The following SWAP70 variants were observed in gnomAD, a reference collection of about 807,000 sequenced individuals.
The protein encoded by SWAP70 is switching B cell complex subunit SWAP70, also known as switch-associated protein 70.
SWAP70 carries 34 observed loss-of-function variants against 80.2 expected under a neutral mutation model. The observed-to-expected ratio is 0.42, with a 90% confidence interval of 0.32 to 0.56. The LOEUF (loss-of-function observed/expected upper bound fraction) is 0.56, where lower values mean the gene tolerates loss of function less well. Among genes scored for constraint, SWAP70 ranks in the 20% least tolerant of loss-of-function variants. The pLI, the probability that SWAP70 is intolerant of heterozygous loss-of-function variation, is 0.09. For synonymous variants in SWAP70, 239 were observed against 238.5 expected (o/e 1.00, Z -0.02); for missense variants, 578 against 690.7 (o/e 0.84, Z 1.83).
intron 1 of SWAP70, among the ~76,000 whole-genome samples, chr11:9,693,478 T>TTAA (rs1850719342): frequency 6.6e-6 from 1 of 152,198 alleles, no homozygotes. Flanking sequence ...TTTTTGCTAT[T>TTAA]TAATTTTTTC....
rs1443328506 is a variant in SWAP70 at position 9,749,903 on chromosome 11, C to T, written c.1691C>T (p.Ala564Val). Reference protein sequence around the residue: ...NPHLITNWGPAAFTEAELEER... With the variant: ...NPHLITNWGPVAFTEAELEER... Reference sequence around the variant, plus strand: ...CACCTGATCACTAACTGGGGACCTGCAGCTTTCACTGAGGCAGAACTTGAA... The same window carrying T: ...CACCTGATCACTAACTGGGGACCTGTAGCTTTCACTGAGGCAGAACTTGAA... The change falls in exon 12 of 12, where the codon GCA (alanine) becomes GTA (valine). Residue 564 changes from alanine to valine, a missense_variant. Ala to Val is a moderately conservative substitution (Grantham distance 64). Coordinates refer to ENST00000318950, the MANE Select transcript of SWAP70 (RefSeq NM_015055.4). 1 of 1,613,886 alleles carries T rather than the reference C, an allele frequency of 6.2e-7. No individual in the cohort carries two copies. The highest frequency in any genetic ancestry group is 2.2e-5 in the East Asian group (1 of 44,894).
At chr11:9,723,771 C>CTTTTT (rs34551025) in intron 3 of SWAP70, among the ~76,000 whole-genome samples, 2 of 124,608 alleles carry the variant, frequency 1.6e-5, no homozygotes, top group Non-Finnish European at 1.7e-5. Context: ...TCCTTCTTTA[C>CTTTTT]TTTTTTTTTT....
intron 3 of SWAP70, among the ~76,000 whole-genome samples, chr11:9,722,212 C>T (rs1851147757): frequency 6.6e-6 from 1 of 150,732 alleles, no homozygotes. Context: ...ATTATTATGC[C>T]CATTTCATAG....
chr11:9,719,710 G>C (rs1223623322), intron 3 of SWAP70, among the ~76,000 whole-genome samples: 1 of 152,120 alleles, frequency 6.6e-6, no homozygotes, highest in East Asian at 1.9e-4. Flanking sequence ...ATTTTTGTTA[G>C]AATATATTCC....
Position 9,749,880 on chromosome 11 carries a change from C to G in SWAP70, c.1668C>G (p.His556Gln), listed in dbSNP as rs761170355. ...RLIEPGSKNP[H>Q]LITNWGPAAF... ...GCCTCTTAGGTTCAAAGAACCCTCACCTGATCACTAACTGGGGACCTGCAG... is the reference window on the plus strand; with the variant it reads ...GCCTCTTAGGTTCAAAGAACCCTCAGCTGATCACTAACTGGGGACCTGCAG... Residue 556 changes from histidine (H) to glutamine (Q), a missense_variant, in exon 12 of 12, where the codon CAC becomes CAG. Transcript: ENST00000318950. 1 of 1,613,040 alleles carries G rather than the reference C, an allele frequency of 6.2e-7. No homozygotes were observed. Among genetic ancestry groups the G allele is most frequent in the Non-Finnish European group, 8.5e-7 (1 of 1,179,038 alleles).
intron 11 of SWAP70, 24 bp from the exon 12 acceptor site, chr11:9,749,840 A>AT (rs766870812): frequency 1.5e-4 from 216 of 1,462,270 alleles, no homozygotes; most frequent in Non-Finnish European, 1.9e-4. Flanking sequence ...TACTTCCTGT[A>AT]TTTAAAGCAT....
chr11:9,675,797 T>G (rs4548612), intron 1 of SWAP70, among the ~76,000 whole-genome samples: 8 of 151,766 alleles, frequency 5.3e-5, no homozygotes, highest in African/African-American at 1.7e-4. Flanking sequence ...GGGAGCTCTG[T>G]CTCTCTGGCT....
chr11:9,665,000 C>T (rs990735598), intron 1 of SWAP70, among the ~76,000 whole-genome samples: 4 of 152,026 alleles, frequency 2.6e-5, no homozygotes, highest in African/African-American at 4.8e-5. Context: ...TTGTGACTGC[C>T]GGAGACCCTA....
chr11:9,724,744 T>C lies in SWAP70; in HGVS notation c.501T>C (p.Asp167=). Residue 167 remains aspartate (D), a synonymous_variant, in exon 4 of 12, where the codon GAT becomes GAC. Coordinates refer to ENST00000318950, the MANE Select transcript of SWAP70 (RefSeq NM_015055.4). ...TTGAACATTATAAAATCAACTTTGA[T>C]GACAGTAAAAATGGCCTTTCTGCAT... ...EQFEHYKINF[D]DSKNGLSAWE... The C allele has an allele frequency of 6.2e-7, 1 of 1,614,172 alleles. No individual in the cohort carries two copies. Among genetic ancestry groups the C allele is most frequent in the South Asian group, 1.1e-5 (1 of 91,090 alleles).
chr11:9,706,249 T>C (rs61878119), intron 2 of SWAP70, among the ~76,000 whole-genome samples: 2 of 20,184 alleles, frequency 9.9e-5, no homozygotes, highest in Non-Finnish European at 1.9e-4. Flanking sequence ...GATCTGTGTA[T>C]ACTTGGTGAT....
rs1297431963 is a variant in SWAP70 at position 9,664,160 on chromosome 11, G to C, written c.-20G>C. ...GGCTGGCTGGGCAGGAGGGGTTGGC[G>C]GGGCAGCAGGGCCGCGGCCATGGGG... On this transcript the variant is annotated 5_prime_UTR_variant, in exon 1 of 12. Coordinates refer to ENST00000318950, the MANE Select transcript of SWAP70 (RefSeq NM_015055.4). The C allele has an allele frequency of 4.5e-6, 7 of 1,553,866 alleles. No homozygotes were observed. Among genetic ancestry groups the C allele is most frequent in the Non-Finnish European group, 6.1e-6 (7 of 1,152,064 alleles).
At chr11:9,710,341 T>TCTG (rs891814379) in intron 2 of SWAP70, among the ~76,000 whole-genome samples, 38 of 152,126 alleles carry the variant, frequency 2.5e-4, no homozygotes, top group African/African-American at 7.2e-4. Flanking sequence ...AATTGCTGCT[T>TCTG]CTGCTGCTGC....
chr11:9,710,835 G>T (rs1850987951), intron 2 of SWAP70, among the ~76,000 whole-genome samples: 1 of 151,598 alleles, frequency 6.6e-6, no homozygotes, highest in Non-Finnish European at 1.5e-5. Flanking sequence ...ATGCACTGTT[G>T]TGCTCAGCTA....
intron 3 of SWAP70, among the ~76,000 whole-genome samples, chr11:9,723,677 A>G (rs1851168852): frequency 6.6e-6 from 1 of 151,110 alleles, no homozygotes; most frequent in African/African-American, 2.4e-5. Flanking sequence ...TGTATAGGAT[A>G]TTTGGGCTTT....
At chr11:9,738,794 A>G (rs7935267) in intron 8 of SWAP70, among the ~76,000 whole-genome samples, 15,054 of 151,704 alleles carry the variant, frequency 0.099, 1,902 homozygotes, top group East Asian at 0.28. Flanking sequence ...CCAGGAGTTC[A>G]AGGCTACTGT....
In SWAP70 at chr11:9,679,578, T is replaced by C. The variant is rs555765155; in HGVS notation, c.100-14568T>C. Among the ~76,000 whole-genome samples the C allele has an allele frequency of 4.6e-5, 7 of 152,348 alleles. No individual in the cohort carries two copies. In the South Asian group the frequency reaches 1.5e-3, roughly 32 times the overall value. On this transcript the variant is annotated intron_variant, in intron 1 of 11. Coordinates refer to ENST00000318950, the MANE Select transcript of SWAP70 (RefSeq NM_015055.4). Reference sequence around the variant, plus strand: ...GTTAGGTAATAGGACAGCAGACAATTAGTAGATCAGACTACATTGGAATTC... The same window carrying C: ...GTTAGGTAATAGGACAGCAGACAATCAGTAGATCAGACTACATTGGAATTC...
chr11:9,748,706 A>G (rs1590052190), intron 10 of SWAP70, among the ~76,000 whole-genome samples: 1 of 143,894 alleles, frequency 6.9e-6, no homozygotes, highest in Non-Finnish European at 1.5e-5. Flanking sequence ...GCTAGTGAGG[A>G]GAATTATTTT....
At chr11:9,692,098 G>C (rs1427892901) in intron 1 of SWAP70, among the ~76,000 whole-genome samples, 1 of 151,864 alleles carries the variant, frequency 6.6e-6, no homozygotes, top group Non-Finnish European at 1.5e-5. Context: ...ATGGTACATT[G>C]CTGTGGAATA....
intron 8 of SWAP70, 144 bp from the exon 9 acceptor site, chr11:9,740,037 C>A: frequency 1.5e-6 from 1 of 677,300 alleles, no homozygotes; most frequent in East Asian, 2.7e-5. Context: ...TCTCCTCCAT[C>A]TTTAAGTTCA....
Sources: allele counts gnomAD v4.1 joint callset (sites outside exome capture counted in the v4.1 genomes callset), GRCh38; gene constraint gnomAD v4.1.1; transcripts MANE v1.5; gene names NCBI Gene and HGNC (gene_info 2026-07-23, HGNC 2026-07-21).